KCNIP4: variants seen among roughly 807,000 people sequenced by gnomAD.
KCNIP4 encodes the protein potassium voltage-gated channel interacting protein 4.
KCNIP4 carries 12 observed loss-of-function variants against 34.0 expected under a neutral mutation model. The ratio of observed to expected loss-of-function variants is 0.35; its 90% CI spans 0.23 to 0.57. KCNIP4 has a LOEUF of 0.57. Ranked by LOEUF, KCNIP4 falls within the 20% of genes least tolerant of loss-of-function variation. The pLI is 0.83. For missense variants in KCNIP4, 238 were observed against 311.7 expected, an observed-to-expected ratio of 0.76 and a Z score of 1.78; for synonymous variants, 124 against 102.2, an observed-to-expected ratio of 1.21 and a Z score of -1.29.
At chr4:21,442,223 T>C (rs1313710088) in intron 1 of KCNIP4, among the ~76,000 whole-genome samples, 1 of 152,134 alleles carries the variant, frequency 6.6e-6, no homozygotes, top group Non-Finnish European at 1.5e-5. Context: ...CTTGCAGAGA[T>C]TCGCCAGGAG....
At chr4:21,625,658 C>T (rs1015399098) in intron 1 of KCNIP4, among the ~76,000 whole-genome samples, 1 of 152,180 alleles carries the variant, frequency 6.6e-6, no homozygotes, top group Non-Finnish European at 1.5e-5. Flanking sequence ...GTCTGCCCTT[C>T]TTTTAAGTCA....
intron 1 of KCNIP4, among the ~76,000 whole-genome samples, chr4:21,644,332 C>T (rs1746853238): frequency 6.6e-6 from 1 of 152,090 alleles, no homozygotes; most frequent in South Asian, 2.1e-4. Flanking sequence ...AACTCATGTC[C>T]AACCCAAGCT....
At chr4:21,786,779 G>A (rs908767277) in intron 1 of KCNIP4, among the ~76,000 whole-genome samples, 2 of 151,964 alleles carry the variant, frequency 1.3e-5, no homozygotes, top group African/African-American at 4.8e-5. Flanking sequence ...TGTTAGCCAG[G>A]ATGGTCTCCA....
chr4:20,837,681 TATATA>T (rs1221291575), intron 3 of KCNIP4, among the ~76,000 whole-genome samples: 3 of 90,812 alleles, frequency 3.3e-5, no homozygotes, highest in South Asian at 5.2e-4. Context: ...TATATATATA[TATATA>T]TTTTTTTTTC....
chr4:21,526,732 A>T (rs1736003055), intron 1 of KCNIP4, among the ~76,000 whole-genome samples: 1 of 152,172 alleles, frequency 6.6e-6, no homozygotes, highest in Non-Finnish European at 1.5e-5. Context: ...ATTTACAGAG[A>T]CTAAGTTAAA....
At chr4:21,393,949 C>T (rs1364116337) in intron 1 of KCNIP4, among the ~76,000 whole-genome samples, 1 of 152,176 alleles carries the variant, frequency 6.6e-6, no homozygotes, top group Non-Finnish European at 1.5e-5. Context: ...ATACCCTGAT[C>T]AAATGTCTGG....
intron 1 of KCNIP4, among the ~76,000 whole-genome samples, chr4:21,931,846 A>T (rs987203589): frequency 4.3e-4 from 65 of 152,148 alleles, no homozygotes; most frequent in African/African-American, 1.5e-3. Context: ...TCCCTGAGGA[A>T]TCGCCACACT....
intron 1 of KCNIP4, among the ~76,000 whole-genome samples, chr4:21,668,572 T>A (rs1323793989): frequency 6.6e-6 from 1 of 152,166 alleles, no homozygotes; most frequent in Non-Finnish European, 1.5e-5. Context: ...ATAATCAAGC[T>A]GCCCTCACTA....
intron 1 of KCNIP4, among the ~76,000 whole-genome samples, chr4:21,292,504 T>G (rs1045809729): frequency 6.6e-6 from 1 of 152,206 alleles, no homozygotes; most frequent in African/African-American, 2.4e-5. Flanking sequence ...AATGCCTCCT[T>G]TATCTAAGTC....
intron 1 of KCNIP4, among the ~76,000 whole-genome samples, chr4:21,044,237 GTCCTATGGACTCTGT>G (rs1560672689): frequency 6.6e-6 from 1 of 152,006 alleles, no homozygotes; most frequent in Admixed American, 6.6e-5. Context: ...CCAGTAGATT[GTCCTATGGACTCTGT>G]TTTCTCACCA....
chr4:21,652,990 C>A (rs574225032), intron 1 of KCNIP4, among the ~76,000 whole-genome samples: 1 of 152,194 alleles, frequency 6.6e-6, no homozygotes, highest in African/African-American at 2.4e-5. Flanking sequence ...TAATTCAATC[C>A]GCCTGCTGGG....
chr4:21,392,840 G>C (rs1266211299), intron 1 of KCNIP4, among the ~76,000 whole-genome samples: 1 of 152,056 alleles, frequency 6.6e-6, no homozygotes, highest in South Asian at 2.1e-4. Context: ...ACAAACAAAA[G>C]ACTAACAAAA....
chr4:21,281,731 AATTG>A (rs1762787402), intron 1 of KCNIP4, among the ~76,000 whole-genome samples: 1 of 152,176 alleles, frequency 6.6e-6, no homozygotes, highest in South Asian at 2.1e-4. Flanking sequence ...ATTATTTGAA[AATTG>A]ATAACCTGTG....
At position 21,727,032 on chromosome 4, in the gene KCNIP4, T is replaced by C. The variant is rs188019639; in HGVS notation, c.61+221539A>G. The stretch of plus-strand genomic sequence containing the variant: ...AAAATTATGGTAATCTGATAACTTA[T>C]TTCTCAAATGTTTTGTTGGTTAGTA... On this transcript the variant is annotated intron_variant, in intron 1 of 8. Coordinates refer to ENST00000382152, the MANE Select transcript of KCNIP4 (RefSeq NM_025221.6). Among the ~76,000 whole-genome samples, 190 of 148,330 alleles carry C rather than the reference T, an allele frequency of 1.3e-3. 1 individual carries two copies. Among genetic ancestry groups the C allele is most frequent in the African/African-American group, 4.5e-3 (184 of 41,096 alleles).
intron 1 of KCNIP4, among the ~76,000 whole-genome samples, chr4:21,438,214 G>A (rs564820672): frequency 9.9e-5 from 15 of 152,132 alleles, no homozygotes; most frequent in African/African-American, 3.1e-4. Flanking sequence ...AAAGAGACAC[G>A]AGAAGGCCAT....
At chr4:21,544,696 G>A (rs1244374090) in intron 1 of KCNIP4, 1 of 152,126 alleles carries the variant, frequency 6.6e-6, no homozygotes, top group African/African-American at 2.4e-5. Flanking sequence ...AAAACCCTTA[G>A]TTCTGGGAAT....
intron 1 of KCNIP4, among the ~76,000 whole-genome samples, chr4:20,896,901 C>T (rs948128744): frequency 1.3e-5 from 2 of 151,982 alleles, no homozygotes; most frequent in Non-Finnish European, 2.9e-5. Context: ...AGACAAGGGG[C>T]TCTACTTGTA....
intron 1 of KCNIP4, among the ~76,000 whole-genome samples, chr4:21,070,777 G>A (rs1358318012): frequency 2.9e-5 from 4 of 136,498 alleles, no homozygotes; most frequent in Non-Finnish European, 4.6e-5. Context: ...TCAGGTTCAA[G>A]CAATTCTCCT....
intron 1 of KCNIP4, among the ~76,000 whole-genome samples, chr4:21,541,929 C>T (rs946942263): frequency 1.3e-5 from 2 of 152,124 alleles, no homozygotes; most frequent in Admixed American, 6.5e-5. Context: ...AGGCATGAGC[C>T]ACCAAGCCCC....
Sources: allele counts gnomAD v4.1 joint callset (sites outside exome capture counted in the v4.1 genomes callset), GRCh38; gene constraint gnomAD v4.1.1; transcripts MANE v1.5; gene names NCBI Gene and HGNC (gene_info 2026-07-23, HGNC 2026-07-21).